Variants in CENPW observed in about 807,000 individuals in gnomAD.
CENPW encodes the protein centromere protein W.
CENPW carries 3 observed loss-of-function variants against 11.1 expected under a neutral mutation model. That is an observed-to-expected ratio of 0.27 (90% CI 0.12 to 0.70). The LOEUF is 0.70. CENPW is among the 30% of genes least tolerant of loss of function. CENPW has a pLI of 0.77. For missense variants in CENPW, 100 were observed against 105.6 expected, an observed-to-expected ratio of 0.95 and a Z score of 0.23; for synonymous variants, 38 against 42.0, an observed-to-expected ratio of 0.91 and a Z score of 0.37.
At chr6:126,422,249 C>G in the CENPW span, among the ~76,000 whole-genome samples, 1 of 152,118 alleles carries the variant, frequency 6.6e-6, no homozygotes, top group Non-Finnish European at 1.5e-5. Context: ...GTTAACTCCG[C>G]AAGTAATCCT....
At chr6:126,408,744 A>G in the CENPW span, among the ~76,000 whole-genome samples, 13 of 152,026 alleles carry the variant, frequency 8.6e-5, 1 homozygote, top group Middle Eastern at 3.4e-3. Flanking sequence ...TTCATTTCCT[A>G]TAGATTTTCC....
At chr6:126,418,124 G>A in the CENPW span, among the ~76,000 whole-genome samples, 2 of 152,210 alleles carry the variant, frequency 1.3e-5, no homozygotes, top group African/African-American at 4.8e-5. Context: ...TGGAGAAAGT[G>A]AAGTTATTAT....
chr6:126,377,152 A>C, the CENPW span, among the ~76,000 whole-genome samples: 1 of 152,186 alleles, frequency 6.6e-6, no homozygotes, highest in Non-Finnish European at 1.5e-5. Context: ...CCTTTGACCC[A>C]GATCTCTAGT....
At chr6:126,424,556 C>T in the CENPW span, among the ~76,000 whole-genome samples, 2 of 152,134 alleles carry the variant, frequency 1.3e-5, no homozygotes, top group African/African-American at 4.8e-5. Flanking sequence ...ATGCTTAGTT[C>T]TCCCCTTTGT....
chr6:126,407,680 G>C, the CENPW span, among the ~76,000 whole-genome samples: 1 of 152,144 alleles, frequency 6.6e-6, no homozygotes, highest in African/African-American at 2.4e-5. Flanking sequence ...TTTCCTTAAT[G>C]ATCAGTGATG....
chr6:126,477,183 A>C, the CENPW span, among the ~76,000 whole-genome samples: 1 of 151,964 alleles, frequency 6.6e-6, no homozygotes, highest in Non-Finnish European at 1.5e-5. Flanking sequence ...TGTCTCCAAC[A>C]TATTGTTGAA....
At chr6:126,351,659 T>A (rs987356687), downstream of CENPW, among the ~76,000 whole-genome samples, 1 of 152,132 alleles carries the variant, frequency 6.6e-6, no homozygotes, top group Non-Finnish European at 1.5e-5. Flanking sequence ...GTACATTTAG[T>A]AACTACTGTT....
chr6:126,467,109 CA>C, the CENPW span, among the ~76,000 whole-genome samples: 2 of 152,076 alleles, frequency 1.3e-5, no homozygotes, highest in African/African-American at 2.4e-5. Flanking sequence ...TACCAACTAC[CA>C]ATGACACTTT....
the CENPW span, among the ~76,000 whole-genome samples, chr6:126,463,104 A>G: frequency 6.6e-6 from 1 of 152,004 alleles, no homozygotes; most frequent in South Asian, 2.1e-4. Flanking sequence ...TTCCTAATTT[A>G]CTTCGTGACA....
chr6:126,341,652 G>A (rs571266871), intron 1 of CENPW, among the ~76,000 whole-genome samples: 51 of 152,286 alleles, frequency 3.3e-4, no homozygotes, highest in Non-Finnish European at 3.7e-4. Context: ...ATCCCATGCT[G>A]GTGATAGAGG....
the CENPW span, among the ~76,000 whole-genome samples, chr6:126,409,490 G>C: frequency 4.1e-3 from 617 of 151,936 alleles, 9 homozygotes; most frequent in Admixed American, 0.03. Context: ...TCTAGATTAT[G>C]TATCCAAAGC....
the CENPW span, among the ~76,000 whole-genome samples, chr6:126,401,355 C>T: frequency 1.3e-5 from 2 of 152,006 alleles, no homozygotes; most frequent in African/African-American, 2.4e-5. Flanking sequence ...GAGAGGGTGT[C>T]TCTCTAGCCT....
At chr6:126,367,218 G>A in the CENPW span, among the ~76,000 whole-genome samples, 13 of 152,064 alleles carry the variant, frequency 8.5e-5, 1 homozygote, top group Middle Eastern at 3.4e-3. Context: ...AGCTCTAGTA[G>A]TGCAAGTGGT....
At chr6:126,413,330 AAG>A in the CENPW span, among the ~76,000 whole-genome samples, 1 of 152,128 alleles carries the variant, frequency 6.6e-6, no homozygotes, top group Non-Finnish European at 1.5e-5. Flanking sequence ...TAAAAACAGC[AAG>A]AGAAGAAAAG....
chr6:126,401,656 T>C, the CENPW span, among the ~76,000 whole-genome samples: 1 of 152,080 alleles, frequency 6.6e-6, no homozygotes, highest in African/African-American at 2.4e-5. Flanking sequence ...TTAAGGCTTT[T>C]GTTCCATATG....
chr6:126,425,356 C>T, the CENPW span, among the ~76,000 whole-genome samples: 1 of 152,048 alleles, frequency 6.6e-6, no homozygotes, highest in Non-Finnish European at 1.5e-5. Context: ...TTTGTCTCTT[C>T]TTTCTTCTCT....
At chr6:126,392,259 C>T in the CENPW span, among the ~76,000 whole-genome samples, 2 of 151,536 alleles carry the variant, frequency 1.3e-5, no homozygotes, top group Non-Finnish European at 3.0e-5. Context: ...TTCTTGATTT[C>T]TTTTTCAAAT....
At chr6:126,360,986 T>C in the CENPW span, among the ~76,000 whole-genome samples, 3 of 152,180 alleles carry the variant, frequency 2.0e-5, no homozygotes, top group African/African-American at 7.2e-5. Context: ...TAAGGGGACA[T>C]TCTGACTTTT....
At chr6:126,395,990 C>A in the CENPW span, among the ~76,000 whole-genome samples, 6 of 152,126 alleles carry the variant, frequency 3.9e-5, no homozygotes, top group Non-Finnish European at 8.8e-5. Context: ...AGACCTGAAA[C>A]CAGCACAGCA....
Sources: allele counts gnomAD v4.1 joint callset (sites outside exome capture counted in the v4.1 genomes callset), GRCh38; gene constraint gnomAD v4.1.1; transcripts MANE v1.5; gene names NCBI Gene and HGNC (gene_info 2026-07-23, HGNC 2026-07-21).